Variants in GRIN2B observed in about 807,000 individuals in gnomAD.
GRIN2B encodes glutamate receptor ionotropic, NMDA 2B.
GRIN2B carries 5 observed loss-of-function variants against 114.5 expected under a neutral mutation model. The ratio of observed to expected loss-of-function variants is 0.04; its 90% confidence interval spans 0.02 to 0.09. The LOEUF (loss-of-function observed/expected upper bound fraction) is 0.09. GRIN2B is among the 10% of genes least tolerant of loss of function. The pLI, the probability that GRIN2B is intolerant of heterozygous loss-of-function variation, is 1.00. For missense variants in GRIN2B, 1,108 were observed against 1,943.5 expected, an observed-to-expected ratio of 0.57 and a Z score of 8.08; for synonymous variants, 787 against 745.1, an observed-to-expected ratio of 1.06 and a Z score of -0.92.
chr12:13,648,330 G>C lies in GRIN2B; in HGVS notation c.1125+27415C>G, dbSNP rs539145043. Among the ~76,000 whole-genome samples, 3 of 152,058 alleles carry C rather than the reference G, an allele frequency of 2.0e-5. No homozygotes were observed. The South Asian group carries it at 6.2e-4, about 31-fold the overall frequency. On this transcript the variant is annotated intron_variant, in intron 5 of 13. Coordinates refer to ENST00000609686, the MANE Select transcript of GRIN2B (RefSeq NM_000834.5). ...TTTACATAGCTCTCACCCTCCTAGA[G>C]TATCTAATCCAGTAGCATAGAGAAG... is the stretch of plus-strand genomic sequence containing the variant.
At chr12:13,758,204 C>T (rs922788820) in intron 3 of GRIN2B, among the ~76,000 whole-genome samples, 4 of 152,280 alleles carry the variant, frequency 2.6e-5, no homozygotes, top group Admixed American at 2.6e-4. Context: ...TCCATTAAAA[C>T]TGCATCACAC....
At chr12:13,723,154 T>C (rs1001979906) in intron 4 of GRIN2B, among the ~76,000 whole-genome samples, 3 of 151,948 alleles carry the variant, frequency 2.0e-5, no homozygotes, top group Admixed American at 6.6e-5. Flanking sequence ...TTTTTTATTA[T>C]TATACTTTAA....
chr12:13,602,474 C>T (rs953593749), intron 10 of GRIN2B, among the ~76,000 whole-genome samples: 6 of 152,216 alleles, frequency 3.9e-5, no homozygotes, highest in African/African-American at 1.4e-4. Flanking sequence ...CTGCTGGCTT[C>T]CAGCCTAAAG....
intron 3 of GRIN2B, among the ~76,000 whole-genome samples, chr12:13,818,929 C>A (rs894789333): frequency 1.3e-5 from 2 of 152,164 alleles, no homozygotes. Flanking sequence ...AGCCACATAA[C>A]CTCGAAAGAA....
intron 3 of GRIN2B, among the ~76,000 whole-genome samples, chr12:13,848,871 G>A (rs1252843075): frequency 1.3e-5 from 2 of 152,136 alleles, no homozygotes; most frequent in African/African-American, 4.8e-5. Flanking sequence ...CTGCTTTGCT[G>A]AGTAGTTTTC....
rs1948274529 is a variant in GRIN2B, at chr12:13,541,210, T to A, written c.*21573A>T. The A allele has an allele frequency of 6.6e-6, 1 of 152,190 alleles. No homozygotes were observed. The highest frequency in any genetic ancestry group is 1.5e-5 in the Non-Finnish European group (1 of 68,046). The allele number at this position is 152,190 out of a possible 1,614,324, so 9.4% of individuals were successfully genotyped here. ...AACATTGCCTCTAGCTCCCTTGAAA[T>A]GTTTCCACAAGCGTCAGGGCTACTC... On this transcript the variant is annotated 3_prime_UTR_variant, in exon 14 of 14. Coordinates refer to ENST00000609686, the MANE Select transcript of GRIN2B (RefSeq NM_000834.5).
chr12:13,870,794 T>A (rs1245771533), intron 2 of GRIN2B, among the ~76,000 whole-genome samples: 1 of 151,988 alleles, frequency 6.6e-6, no homozygotes, highest in Non-Finnish European at 1.5e-5. Context: ...AAGCTACCAA[T>A]AAAGACAGAA....
intron 2 of GRIN2B, among the ~76,000 whole-genome samples, chr12:13,870,313 G>C (rs949414918): frequency 1.3e-5 from 2 of 152,148 alleles, no homozygotes; most frequent in Non-Finnish European, 2.9e-5. Context: ...TCAGAAACCA[G>C]GGTGCACCAG....
At chr12:13,979,301 A>G (rs932467932) in intron 2 of GRIN2B, among the ~76,000 whole-genome samples, 14 of 151,916 alleles carry the variant, frequency 9.2e-5, no homozygotes, top group African/African-American at 2.4e-4. Flanking sequence ...AGGTGTTCTG[A>G]GACCAGCCCG....
chr12:13,925,252 T>C (rs1866893520), intron 2 of GRIN2B, among the ~76,000 whole-genome samples: 1 of 152,072 alleles, frequency 6.6e-6, no homozygotes, highest in Non-Finnish European at 1.5e-5. Context: ...AGGCTTCCTA[T>C]AAAAACTTGA....
At chr12:13,672,879 G>A (rs1412814837) in intron 5 of GRIN2B, among the ~76,000 whole-genome samples, 1 of 152,072 alleles carries the variant, frequency 6.6e-6, no homozygotes, top group African/African-American at 2.4e-5. Context: ...AACAGCTACC[G>A]TATCAAGGGC....
rs76508810 is a variant in GRIN2B at position 13,680,986 on chromosome 12, G to A, written c.1011-5127C>T. ...AGTCACACCACAGTGAGCTTAATGG[G>A]ATCAGGCTAAGGTTAAAGAGCCCTT... On this transcript the variant is annotated intron_variant, in intron 4 of 13. Coordinates refer to ENST00000609686, the MANE Select transcript of GRIN2B (RefSeq NM_000834.5). 6.6e-5 allele frequency among the ~76,000 whole-genome samples: 10 copies of A among 152,180 alleles called. No individual in the cohort carries two copies. In the East Asian group the frequency reaches 1.7e-3, roughly 27 times the overall value.
intron 3 of GRIN2B, among the ~76,000 whole-genome samples, chr12:13,841,503 G>A (rs1448345785): frequency 6.6e-6 from 1 of 152,060 alleles, no homozygotes; most frequent in South Asian, 2.1e-4. Flanking sequence ...TATCCCATAG[G>A]ACCTCAGTGC....
At chr12:13,970,493 A>G (rs1862889526) in intron 2 of GRIN2B, among the ~76,000 whole-genome samples, 1 of 152,214 alleles carries the variant, frequency 6.6e-6, no homozygotes, top group Non-Finnish European at 1.5e-5. Flanking sequence ...TTCCATCATC[A>G]TCTTTACCAA....
At chr12:13,782,511 C>G (rs769192569) in intron 3 of GRIN2B, among the ~76,000 whole-genome samples, 19 of 152,146 alleles carry the variant, frequency 1.2e-4, no homozygotes, top group Non-Finnish European at 2.2e-4. Flanking sequence ...TGTAAGATAC[C>G]ATGCTTGTCT....
chr12:13,847,400 C>T (rs1190722937), intron 3 of GRIN2B, among the ~76,000 whole-genome samples: 1 of 152,024 alleles, frequency 6.6e-6, no homozygotes, highest in East Asian at 1.9e-4. Context: ...TCATTACATG[C>T]TAAGTTCTAA....
chr12:13,894,478 C>T (rs181379144), intron 2 of GRIN2B, among the ~76,000 whole-genome samples: 1 of 151,900 alleles, frequency 6.6e-6, no homozygotes, highest in Non-Finnish European at 1.5e-5. Context: ...AAAAGAGCAC[C>T]AAAAAACGGT....
chr12:13,628,941 A>G (rs1241422631), intron 5 of GRIN2B, among the ~76,000 whole-genome samples: 1 of 152,224 alleles, frequency 6.6e-6, no homozygotes, highest in Non-Finnish European at 1.5e-5. Flanking sequence ...AAAGAGACAC[A>G]TAAGAATTAC....
intron 5 of GRIN2B, among the ~76,000 whole-genome samples, chr12:13,626,123 TCTC>T (rs1420693208): frequency 3.9e-5 from 6 of 152,124 alleles, no homozygotes; most frequent in Non-Finnish European, 8.8e-5. Context: ...AGCTCTACCT[TCTC>T]CTTTGATGTG....
Sources: allele counts gnomAD v4.1 joint callset (sites outside exome capture counted in the v4.1 genomes callset), GRCh38; gene constraint gnomAD v4.1.1; transcripts MANE v1.5; gene names NCBI Gene and HGNC (gene_info 2026-07-23, HGNC 2026-07-21).